The following NUP58 variants were observed in gnomAD, a reference collection of about 807,000 sequenced individuals.
NUP58 encodes the protein nucleoporin 58, also known as nucleoporin p58/p45.
NUP58 carries 17 observed loss-of-function variants against 70.1 expected under a neutral mutation model. That is an observed-to-expected ratio of 0.24 (90% CI 0.17 to 0.36). NUP58 has a LOEUF of 0.36. Ranked by LOEUF, NUP58 falls within the 10% of genes least tolerant of loss-of-function variation. The probability of loss-of-function intolerance (pLI) is 1.00; values close to 1 mark genes in which losing one functional copy is unlikely to be tolerated. For missense variants in NUP58, 644 were observed against 701.5 expected, an observed-to-expected ratio of 0.92 and a Z score of 0.93; for synonymous variants, 275 against 257.6, an observed-to-expected ratio of 1.07 and a Z score of -0.65.
intron 13 of NUP58, chr13:25,333,738 A>G (rs903374609): frequency 3.1e-5 from 31 of 985,272 alleles, no homozygotes; most frequent in South Asian, 2.8e-4. Context: ...TTTGTACCCC[A>G]TAAGTTATCC....
intron 13 of NUP58, chr13:25,333,419 G>A: frequency 1.0e-6 from 1 of 985,328 alleles, no homozygotes; most frequent in South Asian, 4.7e-5. Context: ...GAAATTGACT[G>A]CCTTCACTCT....
At chr13:25,335,520 C>A (rs1460926587) in intron 13 of NUP58, 6 of 984,836 alleles carry the variant, frequency 6.1e-6, no homozygotes, top group Non-Finnish European at 1.2e-6. Context: ...TAACATTTTA[C>A]AAAAGAGCTG....
chr13:25,303,122 C>T (rs1046759275), intron 1 of NUP58: 2 of 455,568 alleles, frequency 4.4e-6, no homozygotes, highest in South Asian at 1.6e-5. Flanking sequence ...CTCCAATCAA[C>T]TTCTTCAATC....
chr13:25,346,190 A>G (rs1280783151), downstream of NUP58, among the ~76,000 whole-genome samples: 1 of 152,192 alleles, frequency 6.6e-6, no homozygotes, highest in East Asian at 1.9e-4. Flanking sequence ...AGCAGGGGCC[A>G]GGATCTACTC....
Position 25,334,433 on chromosome 13 carries a change from T to G in NUP58, c.1436-2503T>G, listed in dbSNP as rs114833843. On this transcript the variant is annotated intron_variant, in intron 13 of 15. Transcript: ENST00000381736. ...AAGACGTTTTGTTAGGAATTCCTAA[T>G]TTTTAGCTTAGTGTAGGTTTGGACA... 840 of 985,370 alleles carry G rather than the reference T, an allele frequency of 8.5e-4. 9 individuals carry two copies. The African/African-American group carries it at 0.014, about 16-fold the overall frequency. 61.0% of individuals were successfully genotyped at this position (985,370 alleles called of 1,614,324 possible).
chr13:25,305,151 T>G lies in NUP58; in HGVS notation c.108-2655T>G, dbSNP rs199549279. 4.6e-3 allele frequency among the ~76,000 whole-genome samples: 529 copies of G among 114,444 alleles called. 18 individuals are homozygous for G. Among genetic ancestry groups the G allele is most frequent in the Admixed American group, 5.6e-3 (53 of 9,394 alleles). The allele number at this position is 114,444 out of a possible 152,430, so 75.1% of individuals were successfully genotyped here. A position where few individuals can be genotyped will look rare whatever the true frequency, so the allele number is the denominator to read the frequency against. On this transcript the variant is annotated intron_variant, in intron 1 of 15. Transcript: ENST00000381736. ...TGGGGTTTTTTTTTTTTTTTTTTTT[T>G]TTTTTTTTTTGAGACAGGGCCTTGC...
chr13:25,345,485 C>T (rs1251088328), downstream of NUP58, among the ~76,000 whole-genome samples: 1 of 142,132 alleles, frequency 7.0e-6, no homozygotes, highest in South Asian at 2.5e-4. Flanking sequence ...GAAGCAAGAG[C>T]CGGACTTGTG....
At chr13:25,319,284 A>C (rs755871276) in intron 6 of NUP58, 42 bp from the exon 7 acceptor site, 1 of 1,570,522 alleles carries the variant, frequency 6.4e-7, no homozygotes, top group Non-Finnish European at 8.8e-7. Context: ...TATGTTGTTC[A>C]ATTACCAATT....
rs12491 is a variant in NUP58 at position 25,341,921 on chromosome 13, T to A, written c.*1787T>A. On this transcript the variant is annotated 3_prime_UTR_variant, in exon 16 of 16. Transcript: ENST00000381736. ...ATACACATATGCACACGTATGTGCA[T>A]GTGCCACACATTTTTTGTATAATGT... is the stretch of plus-strand genomic sequence containing the variant. 6.6e-6 allele frequency: 1 copy of A among 152,160 alleles called. No individual in the cohort carries two copies. 9.4% of individuals were successfully genotyped at this position (152,160 alleles called of 1,614,324 possible).
chr13:25,344,860 A>G (rs2032030293), downstream of NUP58, among the ~76,000 whole-genome samples: 1 of 152,092 alleles, frequency 6.6e-6, no homozygotes, highest in Non-Finnish European at 1.5e-5. Context: ...TGATGATAAT[A>G]TAGTAAATCC....
At chr13:25,311,609 A>G (rs2030670165) in intron 3 of NUP58, among the ~76,000 whole-genome samples, 1 of 151,444 alleles carries the variant, frequency 6.6e-6, no homozygotes, top group Admixed American at 6.6e-5. Flanking sequence ...TCCTGACCTA[A>G]GGTGATCTGC....
chr13:25,310,897 T>C (rs2030633140), intron 3 of NUP58, among the ~76,000 whole-genome samples: 1 of 152,158 alleles, frequency 6.6e-6, no homozygotes, highest in Admixed American at 6.5e-5. Context: ...GAACATTGAA[T>C]ATTGTGGCAC....
intron 3 of NUP58, among the ~76,000 whole-genome samples, chr13:25,349,125 T>C (rs1036390708): frequency 5.9e-5 from 9 of 152,240 alleles, no homozygotes; most frequent in Admixed American, 3.9e-4. Context: ...TACCAAGTTA[T>C]ATTTTTATTA....
chr13:25,334,097 T>C (rs1268191875), intron 13 of NUP58: 7 of 985,222 alleles, frequency 7.1e-6, no homozygotes, highest in East Asian at 2.3e-4. Flanking sequence ...TTTACAGTTA[T>C]TTGTTCTGAA....
rs1402255701 is a variant in NUP58, at chr13:25,331,443, G to T, written c.1320G>T (p.Lys440Asn). Residue 440 changes from lysine to asparagine, a missense_variant, in exon 13 of 16, where the codon AAG becomes AAT. By Grantham distance (94) the Lys-to-Asn change is moderately conservative (BLOSUM62 0). This residue lies in a region of NUP58 where 132 missense variants were observed against 203.9 expected (regional missense o/e 0.65). Transcript: ENST00000381736. ...DVFETRRAEA[K>N]KWQNTPRVTT... ...TTGAAACAAGGCGAGCAGAAGCCAA[G>T]AAGTGGCAGAACACACCCAGAGTTA... 1.2e-6 allele frequency: 2 copies of T among 1,614,064 alleles called. No homozygotes were observed. Among genetic ancestry groups the T allele is most frequent in the Non-Finnish European group, 1.7e-6 (2 of 1,180,020 alleles).
At chr13:25,334,347 T>A (rs1321775095) in intron 13 of NUP58, 1 of 985,216 alleles carries the variant, frequency 1.0e-6, no homozygotes, top group East Asian at 1.1e-4. Flanking sequence ...ACTTTAAGAG[T>A]TCTTGATGTT....
intron 13 of NUP58, chr13:25,332,642 A>T (rs2137818115): frequency 1.0e-6 from 1 of 985,444 alleles, no homozygotes; most frequent in African/African-American, 1.7e-5. Context: ...TCACATTTGG[A>T]GATGACAGAA....
chr13:25,346,701 C>T (rs1177400439), downstream of NUP58, among the ~76,000 whole-genome samples: 1 of 141,010 alleles, frequency 7.1e-6, no homozygotes, highest in Non-Finnish European at 1.5e-5. Context: ...GCCTGGGCAA[C>T]AAGAGCAAAA....
At chr13:25,332,277 A>G (rs2031635921) in intron 13 of NUP58, 1 of 985,374 alleles carries the variant, frequency 1.0e-6, no homozygotes, top group East Asian at 1.1e-4. Context: ...TTCTTGGTTT[A>G]GTTACACTTC....
Sources: allele counts gnomAD v4.1 joint callset (sites outside exome capture counted in the v4.1 genomes callset), GRCh38; gene constraint gnomAD v4.1.1; regional missense constraint gnomAD v4.1.1; transcripts MANE v1.5; gene names NCBI Gene and HGNC (gene_info 2026-07-23, HGNC 2026-07-21).